Variants in MAPK4 observed in about 807,000 individuals in gnomAD.
MAPK4 encodes mitogen-activated protein kinase 4.
In MAPK4, 22 loss-of-function variants were observed where a neutral mutation model predicts 47.7. The observed-to-expected ratio is 0.46, with a 90% CI of 0.33 to 0.66. The LOEUF (loss-of-function observed/expected upper bound fraction) is 0.66. Among genes scored for constraint, MAPK4 ranks in the 30% least tolerant of loss-of-function variants. The pLI is 0.02. For missense variants in MAPK4, 736 were observed against 831.7 expected (o/e 0.88, Z 1.42); for synonymous variants, 390 against 365.7 (o/e 1.07, Z -0.76).
chr18:50,643,816 G>A (rs967097096), intron 1 of MAPK4, among the ~76,000 whole-genome samples: 1 of 152,176 alleles, frequency 6.6e-6, no homozygotes, highest in African/African-American at 2.4e-5. Context: ...GGGGCTGACG[G>A]CATCCTCCAC....
chr18:50,688,525 A>C (rs1424534987), intron 2 of MAPK4, among the ~76,000 whole-genome samples: 1 of 152,278 alleles, frequency 6.6e-6, no homozygotes, highest in Non-Finnish European at 1.5e-5. Flanking sequence ...GGCTTCCCAC[A>C]GAATTTCAAG....
At chr18:50,699,279 G>A (rs1909661068) in intron 2 of MAPK4, among the ~76,000 whole-genome samples, 1 of 152,124 alleles carries the variant, frequency 6.6e-6, no homozygotes, top group African/African-American at 2.4e-5. Context: ...AAAACCTTCT[G>A]CCGTATTATG....
intron 2 of MAPK4, among the ~76,000 whole-genome samples, chr18:50,676,430 A>C (rs1471417090): frequency 6.6e-6 from 1 of 152,228 alleles, no homozygotes; most frequent in Non-Finnish European, 1.5e-5. Flanking sequence ...ATAGTTATAT[A>C]CTTTTTACCC....
intron 1 of MAPK4, among the ~76,000 whole-genome samples, chr18:50,636,307 A>G (rs1451007377): frequency 6.6e-6 from 1 of 152,168 alleles, no homozygotes; most frequent in African/African-American, 2.4e-5. Flanking sequence ...TTATTTGATC[A>G]ATATCTCTCT....
chr18:50,681,993 G>A (rs976763776), intron 2 of MAPK4, among the ~76,000 whole-genome samples: 2 of 152,170 alleles, frequency 1.3e-5, no homozygotes, highest in Non-Finnish European at 2.9e-5. Flanking sequence ...ATTGTAGGAT[G>A]CCATTTATAT....
At chr18:50,640,910 G>A (rs188274218) in intron 1 of MAPK4, among the ~76,000 whole-genome samples, 17 of 152,266 alleles carry the variant, frequency 1.1e-4, no homozygotes, top group African/African-American at 4.1e-4. Flanking sequence ...CTTCCATGAA[G>A]GTACCTAGAA....
intron 1 of MAPK4, among the ~76,000 whole-genome samples, chr18:50,566,474 C>G (rs1270930671): frequency 6.6e-6 from 1 of 152,232 alleles, no homozygotes; most frequent in African/African-American, 2.4e-5. Context: ...ACCCCATCCC[C>G]TTGACACTCA....
chr18:50,605,981 A>G (rs1251658768), intron 1 of MAPK4, among the ~76,000 whole-genome samples: 1 of 151,280 alleles, frequency 6.6e-6, no homozygotes, highest in Non-Finnish European at 1.5e-5. Flanking sequence ...TTGGCAAGGC[A>G]TCCTGAACCA....
chr18:50,670,581 A>G (rs528255568), intron 2 of MAPK4, among the ~76,000 whole-genome samples: 1 of 152,096 alleles, frequency 6.6e-6, no homozygotes, highest in South Asian at 2.1e-4. Context: ...ACATGGTGAA[A>G]CCCTGTCTCT....
rs1907446915 is a variant in MAPK4 at position 50,664,109 on chromosome 18, A to T, written c.151A>T (p.Ile51Phe). The T allele has an allele frequency of 5.6e-6, 9 of 1,613,924 alleles. No homozygotes were observed. Among genetic ancestry groups the T allele is most frequent in the Non-Finnish European group, 7.6e-6 (9 of 1,180,020 alleles). The change falls in exon 2 of 6, where the codon ATT (isoleucine) becomes TTT (phenylalanine). Residue 51 changes from isoleucine to phenylalanine, a missense_variant. Ile to Phe is a conservative substitution (Grantham distance 21). Coordinates refer to ENST00000400384, the MANE Select transcript of MAPK4 (RefSeq NM_002747.4). This position sits in a 1 kb window ranked among gnomAD's most constrained non-coding sequence, Gnocchi z 6.0. ...RACRKVAVKK[I>F]ALSDARSMKH... ...CTGCCGGAAGGTCGCTGTGAAGAAGATTGCCCTGAGCGATGCCCGCAGCAT... is the reference window on the plus strand; with the variant it reads ...CTGCCGGAAGGTCGCTGTGAAGAAGTTTGCCCTGAGCGATGCCCGCAGCAT...
chr18:50,603,879 C>G (rs2042561679), intron 1 of MAPK4, among the ~76,000 whole-genome samples: 1 of 152,138 alleles, frequency 6.6e-6, no homozygotes, highest in African/African-American at 2.4e-5. Context: ...ATCACAAAGA[C>G]CATGCACTAA....
chr18:50,687,751 A>G (rs549653170), intron 2 of MAPK4, among the ~76,000 whole-genome samples: 20 of 152,218 alleles, frequency 1.3e-4, no homozygotes, highest in African/African-American at 4.6e-4. Context: ...AGGACAAGCA[A>G]AACCCCCACA....
At chr18:50,668,889 G>A (rs9955932) in intron 2 of MAPK4, among the ~76,000 whole-genome samples, 75,757 of 152,058 alleles carry the variant, frequency 0.5, 19,430 homozygotes, top group African/African-American at 0.61. Context: ...TTCACTTCCC[G>A]ATTGTCTTTT....
chr18:50,687,942 C>T (rs567311068), intron 2 of MAPK4, among the ~76,000 whole-genome samples: 4 of 152,118 alleles, frequency 2.6e-5, no homozygotes, highest in African/African-American at 7.2e-5. Context: ...TAACCTTTAG[C>T]GAGATCAGGA....
In MAPK4 at chr18:50,678,538, A is replaced by T. The variant is rs2144306627; in HGVS notation, c.546+14034A>T. Among the ~76,000 whole-genome samples, 1 of 152,254 alleles carries T rather than the reference A, an allele frequency of 6.6e-6. No homozygotes were observed. Among genetic ancestry groups the T allele is most frequent in the East Asian group, 1.9e-4 (1 of 5,182 alleles). ...GGGCCCTGTCTTCCCAGAGGTGTTC[A>T]CTCAAGGGTCCACCAGCGACTTCCC... On this transcript the variant is annotated intron_variant, in intron 2 of 5. Transcript: ENST00000400384. This position sits in a 1 kb window ranked among gnomAD's most constrained non-coding sequence, Gnocchi z 4.2.
intron 1 of MAPK4, among the ~76,000 whole-genome samples, chr18:50,594,020 GC>G (rs1420828593): frequency 1.3e-5 from 2 of 152,160 alleles, no homozygotes; most frequent in Non-Finnish European, 2.9e-5. Flanking sequence ...GTGGCCAAAG[GC>G]CCAAGAGACC....
At chr18:50,620,203 T>C (rs1317276143) in intron 1 of MAPK4, among the ~76,000 whole-genome samples, 1 of 152,188 alleles carries the variant, frequency 6.6e-6, no homozygotes, top group African/African-American at 2.4e-5. Flanking sequence ...AAAGGGGCCA[T>C]AATGACCATC....
At chr18:50,632,606 G>A (rs896273411) in intron 1 of MAPK4, among the ~76,000 whole-genome samples, 4 of 145,618 alleles carry the variant, frequency 2.7e-5, no homozygotes, top group African/African-American at 1.0e-4. Context: ...CAGAGACTGA[G>A]TCTGGTTTAA....
In MAPK4 at chr18:50,729,488, G is replaced by T. The variant is rs368636904; in HGVS notation, c.1398G>T (p.Ala466=). The T allele has an allele frequency of 6.8e-7, 1 of 1,466,280 alleles. No homozygotes were observed. Among genetic ancestry groups the T allele is most frequent in the South Asian group, 1.4e-5 (1 of 73,916 alleles). The allele number at this position is 1,466,280 out of a possible 1,614,324, so 90.8% of individuals were successfully genotyped here. ...TGGACCTGTCGCACTGGAAGCAGGC[G>T]GCCGGCGCGCCCCCCACGGCCACGG... The part of the protein sequence containing the change: ...LILDLSHWKQ[A]AGAPPTATGL... Residue 466 remains alanine, a synonymous_variant, in exon 6 of 6, where the codon GCG becomes GCT. Coordinates refer to ENST00000400384, the MANE Select transcript of MAPK4 (RefSeq NM_002747.4).
Sources: allele counts gnomAD v4.1 joint callset (sites outside exome capture counted in the v4.1 genomes callset), GRCh38; gene constraint gnomAD v4.1.1; non-coding constraint Gnocchi (gnomAD v3.1); transcripts MANE v1.5; gene names NCBI Gene and HGNC (gene_info 2026-07-23, HGNC 2026-07-21).